Variants in CPNE8 observed in about 807,000 individuals in gnomAD.
CPNE8 encodes copine 8, also known as copine-8.
CPNE8 carries 45 observed loss-of-function variants against 81.5 expected under a neutral mutation model. The ratio of observed to expected loss-of-function variants is 0.55; its 90% CI spans 0.44 to 0.71. CPNE8 has a LOEUF of 0.71. CPNE8 is among the 30% of genes least tolerant of loss of function. The probability of loss-of-function intolerance (pLI) is 0.00; values close to 1 mark genes in which losing one functional copy is unlikely to be tolerated. For missense variants in CPNE8, 594 were observed against 672.1 expected (o/e 0.88, Z 1.28); for synonymous variants, 252 against 226.3 (o/e 1.11, Z -1.02).
intron 10 of CPNE8, 86 bp downstream of exon 10, chr12:38,760,761 T>C: frequency 9.5e-7 from 1 of 1,049,704 alleles, no homozygotes; most frequent in South Asian, 1.4e-5. Flanking sequence ...CATCTAAAAA[T>C]TACAATTTAA....
intron 10 of CPNE8, among the ~76,000 whole-genome samples, chr12:38,732,830 T>A (rs1313592483): frequency 2.6e-5 from 4 of 151,958 alleles, no homozygotes; most frequent in Non-Finnish European, 5.9e-5. Context: ...AATGAAACAA[T>A]GAATAAAATA....
At chr12:38,660,981 G>A (rs1206979867) in intron 19 of CPNE8, among the ~76,000 whole-genome samples, 1 of 152,204 alleles carries the variant, frequency 6.6e-6, no homozygotes, top group African/African-American at 2.4e-5. Flanking sequence ...AGGATGTAGA[G>A]AAATAAGAAT....
chr12:38,904,913 G>A (rs1202589221), intron 1 of CPNE8, among the ~76,000 whole-genome samples: 1 of 152,160 alleles, frequency 6.6e-6, no homozygotes, highest in Admixed American at 6.5e-5. Context: ...CAGGCAAAAG[G>A]CAAAAAGCCC....
intron 3 of CPNE8, among the ~76,000 whole-genome samples, chr12:38,852,296 G>A (rs894068753): frequency 1.3e-5 from 2 of 152,022 alleles, no homozygotes; most frequent in East Asian, 3.9e-4. Context: ...AGGCGTGGTG[G>A]CAGGCGCCTG....
intron 16 of CPNE8, among the ~76,000 whole-genome samples, chr12:38,682,523 AC>A (rs1939433410): frequency 6.6e-6 from 1 of 152,166 alleles, no homozygotes; most frequent in Admixed American, 6.5e-5. Context: ...ATCCCACTGC[AC>A]TCCAGCCTGG....
chr12:38,836,945 T>C (rs529912892), intron 5 of CPNE8, among the ~76,000 whole-genome samples: 8 of 152,200 alleles, frequency 5.3e-5, no homozygotes, highest in Non-Finnish European at 7.4e-5. Flanking sequence ...AACACATTTT[T>C]CTTCTCTTTC....
chr12:38,747,102 C>G (rs1459680193), intron 10 of CPNE8, among the ~76,000 whole-genome samples: 1 of 152,168 alleles, frequency 6.6e-6, no homozygotes, highest in Non-Finnish European at 1.5e-5. Context: ...CAGACTTTCT[C>G]AATTTATTTT....
intron 7 of CPNE8, among the ~76,000 whole-genome samples, chr12:38,774,994 C>A (rs1035569587): frequency 2.0e-5 from 3 of 152,150 alleles, no homozygotes; most frequent in African/African-American, 7.2e-5. Context: ...CCCCCAGAAT[C>A]CCAAAGGTAT....
chr12:38,777,938 C>A (rs562068724), intron 6 of CPNE8, among the ~76,000 whole-genome samples: 1 of 152,018 alleles, frequency 6.6e-6, no homozygotes, highest in African/African-American at 2.4e-5. Context: ...GAACGTGAAC[C>A]CTATTGTGAA....
chr12:38,855,650 T>A (rs1041068474), intron 3 of CPNE8, among the ~76,000 whole-genome samples: 2 of 152,122 alleles, frequency 1.3e-5, no homozygotes, highest in Non-Finnish European at 2.9e-5. Context: ...GTTTTAATGA[T>A]CTACTGTAGA....
chr12:38,835,964 T>A (rs1943372917), intron 5 of CPNE8, among the ~76,000 whole-genome samples: 1 of 152,016 alleles, frequency 6.6e-6, no homozygotes, highest in South Asian at 2.1e-4. Context: ...GTATATAGAG[T>A]ACAGTTTCTA....
intron 13 of CPNE8, among the ~76,000 whole-genome samples, chr12:38,711,099 T>C (rs1441524421): frequency 1.3e-5 from 2 of 152,224 alleles, no homozygotes; most frequent in South Asian, 4.1e-4. Context: ...AGAAAAGTTA[T>C]ATGTTTCAAG....
chr12:38,871,991 C>T (rs4505102), intron 3 of CPNE8, among the ~76,000 whole-genome samples: 17,198 of 152,018 alleles, frequency 0.11, 2,065 homozygotes, highest in East Asian at 0.32. Context: ...CAAAATTAGC[C>T]GGGCATGGTG....
intron 6 of CPNE8, among the ~76,000 whole-genome samples, chr12:38,814,818 AT>A (rs1942997021): frequency 6.6e-6 from 1 of 152,126 alleles, no homozygotes; most frequent in Non-Finnish European, 1.5e-5. Context: ...AGCAAATAAT[AT>A]AGCTTTTTAT....
At chr12:38,814,309 C>CTTTTTTTTTTT (rs61444154) in intron 6 of CPNE8, among the ~76,000 whole-genome samples, 1 of 49,170 alleles carries the variant, frequency 2.0e-5, no homozygotes, top group Non-Finnish European at 3.5e-5. Flanking sequence ...CCAGACCTGG[C>CTTTTTTTTTTT]TTTTTTTTTT....
At chr12:38,905,347 G>T (rs1944552913) in intron 1 of CPNE8, 90 bp downstream of exon 1, 5 of 1,437,050 alleles carry the variant, frequency 3.5e-6, no homozygotes, top group South Asian at 1.3e-5. Flanking sequence ...TCTTGCCTGC[G>T]CAAAGCCTCG....
intron 1 of CPNE8, among the ~76,000 whole-genome samples, chr12:38,876,913 T>C (rs1159447662): frequency 6.6e-6 from 1 of 152,222 alleles, no homozygotes; most frequent in East Asian, 1.9e-4. Flanking sequence ...ATAAGAATTT[T>C]ATCTTCCCAA....
chr12:38,747,858 A>T (rs1941265194), intron 10 of CPNE8, among the ~76,000 whole-genome samples: 1 of 152,142 alleles, frequency 6.6e-6, no homozygotes, highest in Admixed American at 6.6e-5. Flanking sequence ...TACATTTTTA[A>T]TATGGCTACT....
At chr12:38,809,437 T>G (rs773705920) in intron 6 of CPNE8, among the ~76,000 whole-genome samples, 30 of 152,214 alleles carry the variant, frequency 2.0e-4, no homozygotes, top group Non-Finnish European at 4.3e-4. Context: ...TAGGTGTACC[T>G]ACATAGACTA....
Sources: allele counts gnomAD v4.1 joint callset (sites outside exome capture counted in the v4.1 genomes callset), GRCh38; gene constraint gnomAD v4.1.1; transcripts MANE v1.5; gene names NCBI Gene and HGNC (gene_info 2026-07-23, HGNC 2026-07-21).